RFX3: variants seen among roughly 807,000 people sequenced by gnomAD.
The protein encoded by RFX3 is regulatory factor X3, also known as transcription factor RFX3.
Under a neutral mutation model 98.6 loss-of-function variants are expected in RFX3, and 14 were observed. That is an observed-to-expected ratio of 0.14 (90% CI 0.09 to 0.22). The LOEUF (loss-of-function observed/expected upper bound fraction) is 0.22, where lower values mean the gene tolerates loss of function less well. RFX3 is among the 10% of genes least tolerant of loss of function. The pLI, the probability that RFX3 is intolerant of heterozygous loss-of-function variation, is 1.00. For missense variants in RFX3, 639 were observed against 926.9 expected (o/e 0.69, Z 4.03); for synonymous variants, 383 against 328.4 (o/e 1.17, Z -1.80).
intron 3 of RFX3, among the ~76,000 whole-genome samples, chr9:3,342,775 T>A (rs965097304): frequency 3.9e-5 from 6 of 152,328 alleles, no homozygotes; most frequent in African/African-American, 1.4e-4. Context: ...TTCTAATTGA[T>A]TAAATATCAT....
chr9:3,230,529 G>T (rs1818320312), intron 15 of RFX3, among the ~76,000 whole-genome samples: 1 of 152,106 alleles, frequency 6.6e-6, no homozygotes, highest in Non-Finnish European at 1.5e-5. Flanking sequence ...AAATTATGTG[G>T]ATTTTCTTGA....
In RFX3 at chr9:3,291,897, A is replaced by C. The variant is rs138626971; in HGVS notation, c.731+1180T>G. ...CATGGTGAAACCCCATCTCTACTAA[A>C]AATACAATAATTAGCTGGACGTGGT... On this transcript the variant is annotated intron_variant, in intron 6 of 16. Coordinates refer to ENST00000617270, the MANE Select transcript of RFX3 (RefSeq NM_001282116.2). Among the ~76,000 whole-genome samples the C allele has an allele frequency of 7.5e-3, 1,137 of 151,846 alleles. 7 individuals are homozygous for C. Among genetic ancestry groups the C allele is most frequent in the African/African-American group, 0.026 (1,076 of 41,372 alleles).
At chr9:3,522,205 C>G (rs1433653104) in intron 1 of RFX3, among the ~76,000 whole-genome samples, 1 of 152,144 alleles carries the variant, frequency 6.6e-6, no homozygotes, top group Non-Finnish European at 1.5e-5. Flanking sequence ...AGCCATCTGT[C>G]CCTAACAAGC....
At chr9:3,295,098 T>C (rs1018695954) in intron 5 of RFX3, among the ~76,000 whole-genome samples, 1 of 152,118 alleles carries the variant, frequency 6.6e-6, no homozygotes, top group Admixed American at 6.6e-5. Context: ...AGAATAGGTT[T>C]GCTACACATA....
chr9:3,452,458 G>C (rs1286438868), intron 1 of RFX3: 9 of 185,238 alleles, frequency 4.9e-5, no homozygotes, highest in Non-Finnish European at 9.7e-5. Context: ...TGGGCCTGGT[G>C]ACACATGCTT....
At chr9:3,493,243 C>A (rs937297579) in intron 1 of RFX3, among the ~76,000 whole-genome samples, 3 of 152,030 alleles carry the variant, frequency 2.0e-5, no homozygotes, top group African/African-American at 7.2e-5. Flanking sequence ...CAATTAAAAG[C>A]CCAAGTTCTG....
At chr9:3,371,941 G>C (rs1265817504) in intron 2 of RFX3, among the ~76,000 whole-genome samples, 1 of 152,152 alleles carries the variant, frequency 6.6e-6, no homozygotes, top group Admixed American at 6.5e-5. Context: ...TAATAACAGA[G>C]GTGGCTATAA....
At chr9:3,275,373 A>C (rs1733879989) in intron 9 of RFX3, 127 bp downstream of exon 9, 1 of 536,532 alleles carries the variant, frequency 1.9e-6, no homozygotes, top group South Asian at 2.9e-5. Context: ...TGTTAGTGCT[A>C]AAAGATACGC....
intron 15 of RFX3, among the ~76,000 whole-genome samples, chr9:3,230,288 C>T (rs1203617513): frequency 6.6e-6 from 1 of 152,140 alleles, no homozygotes; most frequent in African/African-American, 2.4e-5. Context: ...TTGAAGGAGA[C>T]AGGGGCCTCC....
At chr9:3,508,345 T>A (rs560820863) in intron 1 of RFX3, among the ~76,000 whole-genome samples, 1 of 152,088 alleles carries the variant, frequency 6.6e-6, no homozygotes, top group East Asian at 1.9e-4. Flanking sequence ...TTTCAATATT[T>A]GTATTTTCCA....
At chr9:3,386,509 A>G (rs945978336) in intron 2 of RFX3, among the ~76,000 whole-genome samples, 6 of 152,158 alleles carry the variant, frequency 3.9e-5, no homozygotes, top group African/African-American at 1.4e-4. Flanking sequence ...ATATAAGTAG[A>G]AAGGACTAGA....
chr9:3,241,864 G>C (rs990684019), intron 15 of RFX3, among the ~76,000 whole-genome samples: 3 of 152,086 alleles, frequency 2.0e-5, no homozygotes, highest in Non-Finnish European at 4.4e-5. Flanking sequence ...AACAAAAAGT[G>C]CAAGGGGAAA....
chr9:3,399,425 C>G (rs188063227), intron 1 of RFX3, among the ~76,000 whole-genome samples: 49 of 151,748 alleles, frequency 3.2e-4, no homozygotes, highest in Admixed American at 1.6e-3. Flanking sequence ...GCCTGGGCGA[C>G]AAGACCAAAA....
intron 1 of RFX3, among the ~76,000 whole-genome samples, chr9:3,512,438 T>C (rs1256634964): frequency 4.6e-5 from 7 of 151,982 alleles, no homozygotes; most frequent in Non-Finnish European, 5.9e-5. Flanking sequence ...TTTTTTACTA[T>C]ATACTGACTT....
intron 2 of RFX3, among the ~76,000 whole-genome samples, chr9:3,392,773 G>A (rs959034145): frequency 1.3e-5 from 2 of 152,002 alleles, no homozygotes; most frequent in African/African-American, 4.8e-5. Context: ...AAATCAGATT[G>A]GTGTTTGGCT....
chr9:3,326,636 C>A (rs1831954466), intron 4 of RFX3, among the ~76,000 whole-genome samples: 2 of 152,130 alleles, frequency 1.3e-5, no homozygotes, highest in African/African-American at 2.4e-5. Context: ...GCCTCCAGCA[C>A]CATCCATGTT....
chr9:3,516,725 A>ACTCTCT lies in RFX3; in HGVS notation c.-9+9016_-9+9021dup, dbSNP rs139117644. ...CACACATGCACTAGCTCGCTTTCGC[A>ACTCTCT]CTCTCTCTCTCTCTCTCTCTCTGTT... On this transcript the variant is annotated intron_variant, in intron 1 of 16. Transcript: ENST00000617270. Among the ~76,000 whole-genome samples the ACTCTCT allele has an allele frequency of 2.4e-4, 36 of 148,322 alleles. No individual in the cohort carries two copies. In the South Asian group the frequency reaches 6.0e-3, roughly 25 times the overall value.
chr9:3,266,126 C>A, intron 12 of RFX3, 82 bp downstream of exon 12: 1 of 731,610 alleles, frequency 1.4e-6, no homozygotes, highest in Non-Finnish European at 2.3e-6. Flanking sequence ...TTACATAATA[C>A]CATTTGATAG....
intron 16 of RFX3, among the ~76,000 whole-genome samples, chr9:3,225,571 T>C (rs1817669268): frequency 6.6e-6 from 1 of 152,170 alleles, no homozygotes; most frequent in African/African-American, 2.4e-5. Flanking sequence ...TCCCTAAGTG[T>C]TATATTAAAT....
Sources: allele counts gnomAD v4.1 joint callset (sites outside exome capture counted in the v4.1 genomes callset), GRCh38; gene constraint gnomAD v4.1.1; transcripts MANE v1.5; gene names NCBI Gene and HGNC (gene_info 2026-07-23, HGNC 2026-07-21).